The following NIBAN1 variants were observed in gnomAD, a reference collection of about 807,000 sequenced individuals.
The protein encoded by NIBAN1 is protein Niban 1.
NIBAN1 carries 81 observed loss-of-function variants against 75.1 expected under a neutral mutation model. The ratio of observed to expected loss-of-function variants is 1.08; its 90% CI spans 0.90 to 1.30. The LOEUF is 1.30. Among genes scored for constraint, NIBAN1 ranks in the 50% most tolerant of loss-of-function variants. The pLI, the probability that NIBAN1 is intolerant of heterozygous loss-of-function variation, is 0.00. For missense variants in NIBAN1, 1,133 were observed against 1,128.1 expected, an observed-to-expected ratio of 1.00 and a Z score of -0.06; for synonymous variants, 436 against 424.8, an observed-to-expected ratio of 1.03 and a Z score of -0.32.
intron 2 of NIBAN1, among the ~76,000 whole-genome samples, chr1:184,894,917 C>T (rs1656761020): frequency 6.6e-6 from 1 of 152,148 alleles, no homozygotes; most frequent in African/African-American, 2.4e-5. Context: ...AAGGATAATT[C>T]CCATCCGGCT....
chr1:184,885,871 T>A lies in NIBAN1; in HGVS notation c.434-1071A>T, dbSNP rs143176408. Among the ~76,000 whole-genome samples the A allele has an allele frequency of 1.5e-3, 222 of 152,222 alleles. 4 individuals are homozygous for A. The East Asian group carries it at 0.038, about 26-fold the overall frequency. On this transcript the variant is annotated intron_variant, in intron 4 of 13. Transcript: ENST00000367511. ...TCTCCCCATGACTTCCAGGAGTGCC[T>A]CTCTCCTGGTTTCCTTCATGCTTTG...
chr1:184,872,695 G>C (rs1478685212), intron 5 of NIBAN1, among the ~76,000 whole-genome samples: 1 of 150,916 alleles, frequency 6.6e-6, no homozygotes, highest in African/African-American at 2.4e-5. Context: ...CAACAAGAGG[G>C]AAACTCTGTA....
At chr1:184,936,687 C>CTGCG (rs1007297278) in intron 1 of NIBAN1, among the ~76,000 whole-genome samples, 3 of 152,174 alleles carry the variant, frequency 2.0e-5, no homozygotes, top group Non-Finnish European at 2.9e-5. Flanking sequence ...AGTCTTCACA[C>CTGCG]TGCGTGCGTG....
intron 5 of NIBAN1, among the ~76,000 whole-genome samples, chr1:184,833,856 C>CTT (rs200105947): frequency 7.3e-6 from 1 of 137,860 alleles, no homozygotes; most frequent in African/African-American, 2.6e-5. Context: ...AAAATTTTTT[C>CTT]TTTTTTTTTT....
intron 1 of NIBAN1, among the ~76,000 whole-genome samples, chr1:184,968,628 T>A (rs996715116): frequency 2.6e-5 from 4 of 152,212 alleles, no homozygotes; most frequent in African/African-American, 9.6e-5. Context: ...ACTTTCTACT[T>A]TCTTTGGATT....
chr1:184,812,319 T>G (rs1477424258), intron 9 of NIBAN1, among the ~76,000 whole-genome samples: 1 of 152,200 alleles, frequency 6.6e-6, no homozygotes, highest in Non-Finnish European at 1.5e-5. Context: ...GGCTAATGTA[T>G]ATGTTTTATC....
intron 1 of NIBAN1, among the ~76,000 whole-genome samples, chr1:184,921,602 G>T (rs1657557050): frequency 6.6e-6 from 1 of 152,146 alleles, no homozygotes; most frequent in African/African-American, 2.4e-5. Flanking sequence ...ACAGTACAAA[G>T]TAATAGGCTG....
chr1:184,803,068 T>C (rs1459552761), intron 12 of NIBAN1, among the ~76,000 whole-genome samples: 3 of 152,190 alleles, frequency 2.0e-5, no homozygotes, highest in African/African-American at 7.2e-5. Flanking sequence ...TCAATGTTTG[T>C]AGAGGTTTTA....
chr1:184,831,406 T>C (rs1030220565), intron 6 of NIBAN1, among the ~76,000 whole-genome samples: 2 of 152,212 alleles, frequency 1.3e-5, no homozygotes. Flanking sequence ...AACATTATTA[T>C]TCTTATTTTT....
rs140229052 is a variant in NIBAN1 at position 184,894,195 on chromosome 1, C to A, written c.198G>T (p.Ala66=). The change falls in exon 3 of 14, where the codon GCG becomes GCT. Residue 66 remains alanine, a synonymous_variant. Coordinates refer to ENST00000367511, the MANE Select transcript of NIBAN1 (RefSeq NM_052966.4). ...CTGCTTCATACAAAATAGTTCCAGG[C>A]GCCAATGGTGGCTTAAAGAAGATGA... ...SQFLKTKPPL[A]PGTILYEAEL... is the part of the protein sequence containing the mutation. 7.5e-6 allele frequency: 12 copies of A among 1,601,350 alleles called. No homozygotes were observed. In the East Asian group the frequency reaches 1.8e-4, roughly 24 times the overall value.
chr1:184,833,952 G>T (rs1380655385), intron 5 of NIBAN1, among the ~76,000 whole-genome samples: 3 of 151,044 alleles, frequency 2.0e-5, no homozygotes, highest in African/African-American at 4.9e-5. Flanking sequence ...CAGGTTTGCT[G>T]CACCCATTAA....
In NIBAN1 at chr1:184,842,491, C is replaced by T. The variant is rs143305563; in HGVS notation, c.602-10529G>A. On this transcript the variant is annotated intron_variant, in intron 5 of 13. Transcript: ENST00000367511. ...TGGTAAGGCCGGGCATGGTGGCTCA[C>T]GCCTGTAATCCCAGTACTTTGGGAG... Among the ~76,000 whole-genome samples, 513 of 152,324 alleles carry T rather than the reference C, an allele frequency of 3.4e-3. 8 individuals are homozygous for T. The East Asian group carries it at 0.039, about 12-fold the overall frequency.
At chr1:184,963,373 C>G (rs906215861) in intron 1 of NIBAN1, among the ~76,000 whole-genome samples, 1 of 152,062 alleles carries the variant, frequency 6.6e-6, no homozygotes, top group African/African-American at 2.4e-5. Flanking sequence ...CAAGTAGGAA[C>G]AGGATAAGGA....
intron 1 of NIBAN1, among the ~76,000 whole-genome samples, chr1:184,911,784 A>G (rs981766069): frequency 6.6e-6 from 1 of 152,232 alleles, no homozygotes; most frequent in Admixed American, 6.5e-5. Flanking sequence ...GTTATAGACT[A>G]CTATAACAAC....
chr1:184,832,470 G>A (rs551668882), intron 5 of NIBAN1, among the ~76,000 whole-genome samples: 1 of 152,300 alleles, frequency 6.6e-6, no homozygotes, highest in Admixed American at 6.5e-5. Flanking sequence ...TACAAAGCAG[G>A]ATAATGTTCA....
At chr1:184,807,598 G>A (rs1364846245) in intron 10 of NIBAN1, among the ~76,000 whole-genome samples, 1 of 152,140 alleles carries the variant, frequency 6.6e-6, no homozygotes, top group Non-Finnish European at 1.5e-5. Flanking sequence ...GACCAGCCTG[G>A]CCAACACAGT....
chr1:184,921,507 T>A (rs547660305), intron 1 of NIBAN1, among the ~76,000 whole-genome samples: 30 of 152,250 alleles, frequency 2.0e-4, no homozygotes, highest in African/African-American at 5.3e-4. Flanking sequence ...TAGATACAAA[T>A]TTTTCCTTCC....
chr1:184,969,881 G>A (rs1309633028), intron 1 of NIBAN1, among the ~76,000 whole-genome samples: 1 of 151,904 alleles, frequency 6.6e-6, no homozygotes, highest in Non-Finnish European at 1.5e-5. Context: ...AAAAAGGAAT[G>A]GGGGCTGGGC....
chr1:184,855,415 C>T lies in NIBAN1; in HGVS notation c.602-23453G>A, dbSNP rs189694743. Among the ~76,000 whole-genome samples, 30 of 152,108 alleles carry T rather than the reference C, an allele frequency of 2.0e-4. No homozygotes were observed. In the East Asian group the frequency reaches 3.5e-3, roughly 18 times the overall value. On this transcript the variant is annotated intron_variant, in intron 5 of 13. Coordinates refer to ENST00000367511, the MANE Select transcript of NIBAN1 (RefSeq NM_052966.4). ...TTCAAGCTGAATGATACAATTATTG[C>T]TAGTATTCCTTATAGGTTTTGTTTG...
Sources: allele counts gnomAD v4.1 joint callset (sites outside exome capture counted in the v4.1 genomes callset), GRCh38; gene constraint gnomAD v4.1.1; transcripts MANE v1.5; gene names NCBI Gene and HGNC (gene_info 2026-07-23, HGNC 2026-07-21).